The following PSMA5 variants were observed in gnomAD, a reference collection of about 807,000 sequenced individuals.
The protein encoded by PSMA5 is proteasome 20S subunit alpha 5.
A neutral mutation model predicts 34.5 loss-of-function variants in PSMA5; 3 were observed. The observed-to-expected ratio is 0.09, with a 90% CI of 0.04 to 0.22. The LOEUF (loss-of-function observed/expected upper bound fraction) is 0.22. Among genes scored for constraint, PSMA5 ranks in the 10% least tolerant of loss-of-function variants. The probability of loss-of-function intolerance (pLI) is 1.00; values close to 1 mark genes in which losing one functional copy is unlikely to be tolerated. For missense variants in PSMA5, 120 were observed against 286.1 expected (o/e 0.42, Z 4.19); for synonymous variants, 88 against 95.8 (o/e 0.92, Z 0.47).
At chr1:109,425,403 T>C (rs563466998) in intron 1 of PSMA5, 48 of 152,320 alleles carry the variant, frequency 3.2e-4, no homozygotes, top group African/African-American at 1.1e-3. Context: ...CAAAGTCACT[T>C]TATAGGACAG....
chr1:109,421,734 G>A, intron 2 of PSMA5, 126 bp downstream of exon 2: 1 of 736,294 alleles, frequency 1.4e-6, no homozygotes, highest in South Asian at 1.8e-5. Flanking sequence ...GGTTAACAGT[G>A]GTTGCTTAAA....
chr1:109,423,219 A>G (rs1654517957), intron 1 of PSMA5, among the ~76,000 whole-genome samples: 1 of 152,222 alleles, frequency 6.6e-6, no homozygotes, highest in Non-Finnish European at 1.5e-5. Flanking sequence ...CAGGCGGATC[A>G]CCTGAGGTCA....
intron 2 of PSMA5, among the ~76,000 whole-genome samples, chr1:109,418,657 C>G (rs1423727502): frequency 1.3e-5 from 2 of 152,074 alleles, no homozygotes; most frequent in Non-Finnish European, 2.9e-5. Flanking sequence ...GTTGCCCAGG[C>G]TAGTCTTGAA....
At position 109,426,361 on chromosome 1, in the gene PSMA5, G is replaced by A. The variant is rs761985306; in HGVS notation, c.-31C>T. 24 of 1,613,690 alleles carry A rather than the reference G, an allele frequency of 1.5e-5. No individual in the cohort carries two copies. In the South Asian group the frequency reaches 2.6e-4, roughly 18 times the overall value. On this transcript the variant is annotated 5_prime_UTR_variant, in exon 1 of 9. Coordinates refer to ENST00000271308, the MANE Select transcript of PSMA5 (RefSeq NM_002790.4). Reference sequence around the variant, plus strand: ...GGGTAGGAGGAGGCAGCGGCTACGCGGGGATTCTGAGGACCAACACGACTC... The same window carrying A: ...GGGTAGGAGGAGGCAGCGGCTACGCAGGGATTCTGAGGACCAACACGACTC...
At chr1:109,410,334 T>C (rs921619147) in intron 7 of PSMA5, among the ~76,000 whole-genome samples, 1 of 152,228 alleles carries the variant, frequency 6.6e-6, no homozygotes, top group Non-Finnish European at 1.5e-5. Flanking sequence ...GATAATATTA[T>C]TGGTAATATC....
At chr1:109,412,728 G>A (rs569982349) in intron 4 of PSMA5, 33 of 204,610 alleles carry the variant, frequency 1.6e-4, no homozygotes, top group Non-Finnish European at 2.9e-4. Flanking sequence ...GGCAGCAAAG[G>A]CAGCTGAGGG....
intron 1 of PSMA5, among the ~76,000 whole-genome samples, chr1:109,423,420 G>A (rs1654526588): frequency 6.6e-6 from 1 of 152,210 alleles, no homozygotes; most frequent in African/African-American, 2.4e-5. Flanking sequence ...GCCTGGGAGA[G>A]TGCTAAGCAC....
intron 2 of PSMA5, among the ~76,000 whole-genome samples, chr1:109,416,962 A>T (rs1241862229): frequency 6.6e-6 from 1 of 152,166 alleles, no homozygotes; most frequent in Non-Finnish European, 1.5e-5. Flanking sequence ...ATAATTAGCC[A>T]GGCTTGGTGG....
chr1:109,419,407 C>A (rs1009717096), intron 2 of PSMA5, among the ~76,000 whole-genome samples: 3 of 152,144 alleles, frequency 2.0e-5, no homozygotes, highest in African/African-American at 7.2e-5. Flanking sequence ...GTGGCTCATA[C>A]CTGTAATTCC....
intron 1 of PSMA5, 116 bp from the exon 2 acceptor site, chr1:109,422,042 T>C (rs1571031972): frequency 3.4e-6 from 2 of 591,862 alleles, no homozygotes; most frequent in Non-Finnish European, 5.5e-6. Context: ...ATTGTCATTA[T>C]TCTCTACTTC....
intron 8 of PSMA5, among the ~76,000 whole-genome samples, chr1:109,407,655 T>C (rs893296178): frequency 3.3e-5 from 5 of 152,172 alleles, no homozygotes; most frequent in African/African-American, 1.2e-4. Flanking sequence ...TATTTATTTT[T>C]TGAGACAGAG....
At chr1:109,421,308 T>C (rs1319261145) in intron 2 of PSMA5, among the ~76,000 whole-genome samples, 1 of 151,848 alleles carries the variant, frequency 6.6e-6, no homozygotes, top group Admixed American at 6.6e-5. Flanking sequence ...GAGGCTGAGA[T>C]GGGCGAATCA....
chr1:109,413,949 T>C (rs1407683718), intron 3 of PSMA5, among the ~76,000 whole-genome samples: 1 of 152,212 alleles, frequency 6.6e-6, no homozygotes, highest in Non-Finnish European at 1.5e-5. Context: ...CAGCCCTCTT[T>C]AGTCTATCTT....
intron 7 of PSMA5, among the ~76,000 whole-genome samples, chr1:109,410,713 A>C (rs1205204756): frequency 6.6e-6 from 1 of 152,260 alleles, no homozygotes; most frequent in African/African-American, 2.4e-5. Context: ...ATGGATCTCA[A>C]AAACAGTGTG....
At chr1:109,426,266 C>A (rs750333355) in intron 1 of PSMA5, 36 bp downstream of exon 1, 11 of 1,613,324 alleles carry the variant, frequency 6.8e-6, no homozygotes, top group Non-Finnish European at 9.3e-6. Flanking sequence ...CCTGCCCACC[C>A]ATAATTCCCA....
At chr1:109,406,379 G>A (rs1653762508) in intron 8 of PSMA5, among the ~76,000 whole-genome samples, 1 of 152,172 alleles carries the variant, frequency 6.6e-6, no homozygotes, top group South Asian at 2.1e-4. Flanking sequence ...CAGAATTGAT[G>A]CAACACAGGT....
chr1:109,416,059 CAAT>C (rs1287859059), intron 2 of PSMA5, among the ~76,000 whole-genome samples: 2 of 152,062 alleles, frequency 1.3e-5, no homozygotes, highest in East Asian at 1.9e-4. Context: ...ATGAGGATGA[CAAT>C]AATAATAAGA....
intron 1 of PSMA5, 65 bp downstream of exon 1, chr1:109,426,237 C>T: frequency 6.3e-7 from 1 of 1,598,188 alleles, no homozygotes. Context: ...GAACCCAGGC[C>T]GCGCGGCCAG....
intron 3 of PSMA5, 53 bp downstream of exon 3, chr1:109,415,184 G>C: frequency 1.3e-6 from 2 of 1,566,528 alleles, no homozygotes; most frequent in Non-Finnish European, 1.7e-6. Flanking sequence ...ACATCATAGA[G>C]GACTAATTAA....
Sources: allele counts gnomAD v4.1 joint callset (sites outside exome capture counted in the v4.1 genomes callset), GRCh38; gene constraint gnomAD v4.1.1; transcripts MANE v1.5; gene names NCBI Gene and HGNC (gene_info 2026-07-23, HGNC 2026-07-21).